AAK1: variants seen among roughly 807,000 people sequenced by gnomAD.
The protein encoded by AAK1 is AP2 associated kinase 1, also known as AP2-associated protein kinase 1.
In AAK1, 37 loss-of-function variants were observed where a neutral mutation model predicts 116.0. The observed-to-expected ratio is 0.32, with a 90% CI of 0.25 to 0.42. The LOEUF (loss-of-function observed/expected upper bound fraction) is 0.42. AAK1 is among the 10% of genes least tolerant of loss of function. AAK1 has a pLI of 1.00. For synonymous variants in AAK1, 458 were observed against 439.9 expected, an observed-to-expected ratio of 1.04 and a Z score of -0.51; for missense variants, 919 against 1,170.6, an observed-to-expected ratio of 0.79 and a Z score of 3.14.
chr2:69,564,084 C>T (rs1369676313), intron 2 of AAK1, among the ~76,000 whole-genome samples: 1 of 151,794 alleles, frequency 6.6e-6, no homozygotes, highest in East Asian at 1.9e-4. Flanking sequence ...CCCAGCTACT[C>T]GGAAGGCTGA....
intron 2 of AAK1, among the ~76,000 whole-genome samples, chr2:69,632,407 T>C (rs1212189045): frequency 6.6e-6 from 1 of 152,186 alleles, no homozygotes; most frequent in Non-Finnish European, 1.5e-5. Flanking sequence ...CCATGGATAC[T>C]GCTAAAGATC....
rs1572976903 is a variant in AAK1 at position 69,581,350 on chromosome 2, C to T, written c.164-24372G>A. 4.6e-5 allele frequency among the ~76,000 whole-genome samples: 7 copies of T among 152,300 alleles called. 1 individual carries two copies. The highest frequency in any genetic ancestry group is 4.6e-4 in the Admixed American group (7 of 15,300). On this transcript the variant is annotated intron_variant, in intron 2 of 21. Transcript: ENST00000409085. ...TGACCTCATGATCCACCCACCTCAG[C>T]CTCCCAAAGTGCTGGAATTACAGGA... is the stretch of plus-strand genomic sequence containing the variant.
At chr2:69,529,128 A>C (rs1314982520) in intron 8 of AAK1, among the ~76,000 whole-genome samples, 1 of 152,226 alleles carries the variant, frequency 6.6e-6, no homozygotes, top group Non-Finnish European at 1.5e-5. Flanking sequence ...TCATTTGCAT[A>C]ATGGGAATAA....
chr2:69,467,781 C>G lies in AAK1; in HGVS notation c.*8088G>C, dbSNP rs944471060. On this transcript the variant is annotated 3_prime_UTR_variant, in exon 22 of 22. Transcript: ENST00000409085. ...CATGAATTAAGCACACAGACCACAG[C>G]AGAAGAGGCATTAAAATCAGTTTAT... The G allele has an allele frequency of 2.0e-6, 2 of 985,300 alleles. No individual in the cohort carries two copies. The highest frequency in any genetic ancestry group is 3.5e-5 in the African/African-American group (2 of 57,216). The allele number at this position is 985,300 out of a possible 1,614,324, so 61.0% of individuals were successfully genotyped here.
Position 69,470,607 on chromosome 2 carries a change from GC to G in AAK1, c.*5261del. On this transcript the variant is annotated 3_prime_UTR_variant, in exon 22 of 22. Coordinates refer to ENST00000409085, the MANE Select transcript of AAK1 (RefSeq NM_014911.5). ...CAACACAAAATGTTTAATTAAGTTG[GC>G]CTGGGTATATTAGGGATTAAGTTAG... The G allele has an allele frequency of 5.1e-6, 5 of 985,378 alleles. No individual in the cohort carries two copies. Among genetic ancestry groups the G allele is most frequent in the Non-Finnish European group, 4.8e-6 (4 of 829,926 alleles). The allele number at this position is 985,378 out of a possible 1,614,324, so 61.0% of individuals were successfully genotyped here.
intron 2 of AAK1, among the ~76,000 whole-genome samples, chr2:69,582,398 C>T (rs545873702): frequency 5.6e-4 from 84 of 150,280 alleles, no homozygotes; most frequent in Non-Finnish European, 9.6e-4. Flanking sequence ...TGTGTGTGTG[C>T]GTGTGTGTGC....
rs1553410637 is a variant in AAK1 at position 69,503,997 on chromosome 2, C to CT, written c.2269+1571dup. Among the ~76,000 whole-genome samples, 4 of 92,098 alleles carry CT rather than the reference C, an allele frequency of 4.3e-5. No homozygotes were observed. In the East Asian group the frequency reaches 1.8e-3, roughly 41 times the overall value. 60.4% of individuals were successfully genotyped at this position (92,098 alleles called of 152,430 possible). On this transcript the variant is annotated intron_variant, in intron 16 of 21. Coordinates refer to ENST00000409085, the MANE Select transcript of AAK1 (RefSeq NM_014911.5). ...CCCGGCAACAAGAGCGAAATTCCGT[C>CT]TAAAAAAAAAAAAAAAAATTATATT...
intron 2 of AAK1, among the ~76,000 whole-genome samples, chr2:69,574,056 A>C (rs1356229485): frequency 6.6e-6 from 1 of 151,826 alleles, no homozygotes; most frequent in Non-Finnish European, 1.5e-5. Context: ...AAAAAATAGA[A>C]GTCACTTAAA....
intron 17 of AAK1, among the ~76,000 whole-genome samples, chr2:69,493,854 A>G (rs773367843): frequency 1.3e-5 from 2 of 152,280 alleles, no homozygotes; most frequent in East Asian, 3.9e-4. Flanking sequence ...GAGCACCAGC[A>G]AGTGCAAAGT....
chr2:69,470,649 A>G lies in AAK1; in HGVS notation c.*5220T>C. On this transcript the variant is annotated 3_prime_UTR_variant, in exon 22 of 22. Transcript: ENST00000409085. ...ATTAAGTTAGAGGAGGGAAGCTGCA[A>G]ACCTGCGCTCCATTTTACAACCCTG... 1.0e-6 allele frequency: 1 copy of G among 985,416 alleles called. No individual in the cohort carries two copies. Among genetic ancestry groups the G allele is most frequent in the Non-Finnish European group, 1.2e-6 (1 of 829,938 alleles). 61.0% of individuals were successfully genotyped at this position (985,416 alleles called of 1,614,324 possible). A position where few individuals can be genotyped will look rare whatever the true frequency, so the allele number is the denominator to read the frequency against.
rs1272160973 is a variant in AAK1 at position 69,465,703 on chromosome 2, C to G, written c.*10166G>C. 1.5e-6 allele frequency: 2 copies of G among 1,290,736 alleles called. No homozygotes were observed. Among genetic ancestry groups the G allele is most frequent in the Non-Finnish European group, 2.0e-6 (2 of 988,878 alleles). The allele number at this position is 1,290,736 out of a possible 1,614,324, so 80.0% of individuals were successfully genotyped here. A position where few individuals can be genotyped will look rare whatever the true frequency, so the allele number is the denominator to read the frequency against. On this transcript the variant is annotated 3_prime_UTR_variant, in exon 22 of 22. Transcript: ENST00000409085. ...ACAGCTTCTTTCTGGAGCTGAGGTC[C>G]TTTGTTTCTGTCATTAGAATGACCC...
intron 4 of AAK1, 148 bp downstream of exon 4, chr2:69,544,288 G>A (rs1572941782): frequency 1.6e-6 from 1 of 615,080 alleles, no homozygotes; most frequent in South Asian, 2.1e-5. Context: ...ACTAAGAGTT[G>A]ACAGCAGACT....
intron 20 of AAK1, among the ~76,000 whole-genome samples, chr2:69,478,218 A>C (rs894034990): frequency 1.3e-5 from 2 of 152,254 alleles, no homozygotes; most frequent in Non-Finnish European, 2.9e-5. Context: ...ACTTTGAATC[A>C]GATATGATAA....
At chr2:69,525,612 G>A (rs1669989454) in intron 9 of AAK1, among the ~76,000 whole-genome samples, 1 of 152,174 alleles carries the variant, frequency 6.6e-6, no homozygotes, top group Admixed American at 6.5e-5. Context: ...TATGGCTGCT[G>A]AGCCAGTACC....
At chr2:69,586,101 C>T (rs578058004) in intron 2 of AAK1, among the ~76,000 whole-genome samples, 2 of 152,148 alleles carry the variant, frequency 1.3e-5, no homozygotes, top group Admixed American at 6.6e-5. Context: ...TGAGATGAAC[C>T]GGAGGATTAT....
chr2:69,604,504 C>T (rs4852868), intron 2 of AAK1, among the ~76,000 whole-genome samples: 60,697 of 151,946 alleles, frequency 0.4, 13,783 homozygotes, highest in East Asian at 0.73. Context: ...CACCCTCTTA[C>T]CTTCTTGCCC....
At position 69,491,780 on chromosome 2, in the gene AAK1, G is replaced by A. The variant is rs939154050; in HGVS notation, c.2365+4205C>T. On this transcript the variant is annotated intron_variant, in intron 17 of 21. Transcript: ENST00000409085. ...ATCTAACCTTGTGACCACCCCATAAGGTAGGTTTTAGTATTGCCAATTTTA... is the reference window on the plus strand; with the variant it reads ...ATCTAACCTTGTGACCACCCCATAAAGTAGGTTTTAGTATTGCCAATTTTA... Among the ~76,000 whole-genome samples the A allele has an allele frequency of 1.3e-4, 20 of 152,198 alleles. No homozygotes were observed. In the East Asian group the frequency reaches 3.9e-3, roughly 29 times the overall value.
At chr2:69,527,685 C>T (rs1346311801) in intron 8 of AAK1, among the ~76,000 whole-genome samples, 1 of 152,126 alleles carries the variant, frequency 6.6e-6, no homozygotes, top group Non-Finnish European at 1.5e-5. Flanking sequence ...TCTTACTAAA[C>T]GAATGATTAT....
Position 69,542,541 on chromosome 2 carries a change from A to G in AAK1, c.516T>C (p.Ile172=). 6 of 1,613,926 alleles carry G rather than the reference A, an allele frequency of 3.7e-6. No homozygotes were observed. Among genetic ancestry groups the G allele is most frequent in the South Asian group, 1.1e-5 (1 of 91,074 alleles). ...VARLHQCKTP[I]IHRDLKVENI... is the part of the protein sequence containing the mutation. ...TCTGTACCTTCAGGTCCCGGTGGAT[A>G]ATAGGAGTTTTGCACTGATGCAGGC... Residue 172 remains isoleucine (I), a synonymous_variant, in exon 5 of 22, where the codon ATT becomes ATC. Transcript: ENST00000409085.
Sources: gnomAD v4.1 joint callset for allele counts (sites outside exome capture counted in the v4.1 genomes callset) on GRCh38, gnomAD v4.1.1 for gene constraint, MANE v1.5 for transcripts, NCBI Gene and HGNC (gene_info 2026-07-23, HGNC 2026-07-21) for gene names.